Variants in PCDHA9 observed in about 807,000 individuals in gnomAD.
PCDHA9 encodes protocadherin alpha 9, also known as protocadherin alpha-9.
In PCDHA9, 62 loss-of-function variants were observed where a neutral mutation model predicts 62.0. The observed-to-expected ratio is 1.00, with a 90% CI of 0.81 to 1.23. The LOEUF is 1.23. Among genes scored for constraint, PCDHA9 ranks in the 50% most tolerant of loss-of-function variants. The pLI, the probability that PCDHA9 is intolerant of heterozygous loss-of-function variation, is 0.00. For synonymous variants in PCDHA9, 557 were observed against 567.6 expected (o/e 0.98, Z 0.27); for missense variants, 1,205 against 1,249.8 (o/e 0.96, Z 0.54).
chr5:140,871,002 G>C, intron 1 of PCDHA9: 1 of 1,613,384 alleles, frequency 6.2e-7, no homozygotes, highest in Non-Finnish European at 8.5e-7. Context: ...TAAGCACAAC[G>C]CGTGCCCTGG....
Position 140,877,923 on chromosome 5 carries a change from T to C in PCDHA9, c.2394+27034T>C, listed in dbSNP as rs1252401405. ...ATAACTACATTCTCTCATTTTTCTTTATGATTCTATCCTTTAAACTATCGA... is the reference window on the plus strand; with the variant it reads ...ATAACTACATTCTCTCATTTTTCTTCATGATTCTATCCTTTAAACTATCGA... On this transcript the variant is annotated intron_variant, in intron 1 of 3. Coordinates refer to ENST00000532602, the MANE Select transcript of PCDHA9 (RefSeq NM_031857.2). 5 of 1,421,040 alleles carry C rather than the reference T, an allele frequency of 3.5e-6. No individual in the cohort carries two copies. The African/African-American group carries it at 5.8e-5, about 16-fold the overall frequency. The allele number at this position is 1,421,040 out of a possible 1,614,324, so 88.0% of individuals were successfully genotyped here. A position where few individuals can be genotyped will look rare whatever the true frequency, so the allele number is the denominator to read the frequency against.
intron 1 of PCDHA9, chr5:140,968,679 A>T: frequency 6.2e-7 from 1 of 1,614,176 alleles, no homozygotes; most frequent in South Asian, 1.1e-5. Flanking sequence ...GTAGAGCTGC[A>T]CACAGGAGAA....
At chr5:140,899,948 C>A (rs2067639860) in intron 1 of PCDHA9, among the ~76,000 whole-genome samples, 1 of 151,682 alleles carries the variant, frequency 6.6e-6, no homozygotes, top group South Asian at 2.1e-4. Context: ...GCTGGGACCA[C>A]AGGCATGTGC....
intron 1 of PCDHA9, chr5:140,883,872 T>A (rs1554180376): frequency 1.2e-6 from 2 of 1,612,996 alleles, no homozygotes; most frequent in African/African-American, 1.3e-5. Flanking sequence ...CAGTTCCAGG[T>A]GAGCGCGCGC....
chr5:140,876,860 T>C (rs2056650252), intron 1 of PCDHA9: 1 of 1,613,918 alleles, frequency 6.2e-7, no homozygotes, highest in African/African-American at 1.3e-5. Context: ...TACACAGTGT[T>C]CGTGAAGGAG....
chr5:140,851,664 A>G, intron 1 of PCDHA9: 1 of 913,742 alleles, frequency 1.1e-6, no homozygotes, highest in South Asian at 5.0e-5. Flanking sequence ...TTCTCCTTTT[A>G]ATTGAAATTT....
At chr5:140,857,218 T>C (rs2044426953) in intron 1 of PCDHA9, 1 of 1,598,352 alleles carries the variant, frequency 6.3e-7, no homozygotes, top group African/African-American at 1.3e-5. Context: ...CTCTGACGCC[T>C]CACGTTCCGT....
intron 1 of PCDHA9, among the ~76,000 whole-genome samples, chr5:140,956,852 G>T (rs931766503): frequency 3.3e-5 from 5 of 152,060 alleles, no homozygotes; most frequent in African/African-American, 1.2e-4. Context: ...TGGGTTAAAT[G>T]GTTGAATGAA....
At chr5:140,965,861 T>C (rs971753310) in intron 1 of PCDHA9, among the ~76,000 whole-genome samples, 3 of 152,192 alleles carry the variant, frequency 2.0e-5, no homozygotes, top group African/African-American at 7.2e-5. Flanking sequence ...ACACTGAAAA[T>C]AAGGGCCACT....
At chr5:140,870,507 A>C (rs782584168) in intron 1 of PCDHA9, 1 of 1,614,128 alleles carries the variant, frequency 6.2e-7, no homozygotes, top group Non-Finnish European at 8.5e-7. Context: ...AGAACAACCC[A>C]CCAGGCTGCC....
At chr5:140,999,476 A>G (rs1209910607) in intron 3 of PCDHA9, among the ~76,000 whole-genome samples, 6 of 152,124 alleles carry the variant, frequency 3.9e-5, no homozygotes, top group African/African-American at 1.2e-4. Flanking sequence ...GCAGATTCCA[A>G]CTCAAGTCTA....
chr5:140,928,788 G>A, intron 1 of PCDHA9: 1 of 1,614,214 alleles, frequency 6.2e-7, no homozygotes, highest in South Asian at 1.1e-5. Flanking sequence ...CAGTTAAGCA[G>A]AGGGTGGTGG....
rs1290458104 is a variant in PCDHA9 at position 140,849,842 on chromosome 5, C to T, written c.1347C>T (p.Asn449=). 18 of 1,598,416 alleles carry T rather than the reference C, an allele frequency of 1.1e-5. 3 individuals carry two copies. Among genetic ancestry groups the T allele is most frequent in the Admixed American group, 1.7e-5 (1 of 59,304 alleles). The change falls in exon 1 of 4, where the codon AAC becomes AAT. Residue 449 remains asparagine (N), a synonymous_variant. Coordinates refer to ENST00000532602, the MANE Select transcript of PCDHA9 (RefSeq NM_031857.2). ...ARVSVEVADV[N]DNAPAFAQSE... is the part of the protein sequence containing the mutation. The stretch of plus-strand genomic sequence containing the variant: ...TGTCTGTGGAGGTGGCCGACGTGAA[C>T]GACAACGCACCAGCGTTCGCGCAGT...
chr5:140,931,585 A>G (rs1170746678), intron 1 of PCDHA9, among the ~76,000 whole-genome samples: 2 of 152,056 alleles, frequency 1.3e-5, no homozygotes, highest in Non-Finnish European at 2.9e-5. Context: ...ATTCAGTTGA[A>G]CAGTCTTTTT....
intron 1 of PCDHA9, among the ~76,000 whole-genome samples, chr5:140,879,438 A>C (rs2057989809): frequency 6.6e-6 from 1 of 152,214 alleles, no homozygotes; most frequent in South Asian, 2.1e-4. Context: ...ACATTTAAGA[A>C]AATGTTACTT....
In PCDHA9 at chr5:140,858,202, A is replaced by C. The variant is rs782325182; in HGVS notation, c.2394+7313A>C. On this transcript the variant is annotated intron_variant, in intron 1 of 3. Transcript: ENST00000532602. The stretch of plus-strand genomic sequence containing the variant: ...TGCTCACGCTGCTGCTGTACACTGC[A>C]CTGAGGTGCTCGGCGGCGCCCACCG... The C allele has an allele frequency of 1.9e-6, 3 of 1,596,904 alleles. No homozygotes were observed. In the East Asian group the frequency reaches 6.7e-5, roughly 36 times the overall value.
At chr5:140,927,193 C>G in intron 1 of PCDHA9, 1 of 1,614,186 alleles carries the variant, frequency 6.2e-7, no homozygotes, top group South Asian at 1.1e-5. Context: ...CGACCTGGTG[C>G]TCGAGGACCC....
intron 1 of PCDHA9, among the ~76,000 whole-genome samples, chr5:140,923,952 C>T (rs1313695833): frequency 5.9e-5 from 9 of 152,178 alleles, no homozygotes; most frequent in Non-Finnish European, 1.0e-4. Context: ...TTTCCTCACG[C>T]CCTAATCTAT....
chr5:140,986,218 T>A (rs2153838096), intron 3 of PCDHA9, among the ~76,000 whole-genome samples: 1 of 152,304 alleles, frequency 6.6e-6, no homozygotes, highest in Non-Finnish European at 1.5e-5. Flanking sequence ...GGCCCCTTTC[T>A]CTAGCCTCCC....
Sources: gnomAD v4.1 joint callset for allele counts (sites outside exome capture counted in the v4.1 genomes callset) on GRCh38, gnomAD v4.1.1 for gene constraint, MANE v1.5 for transcripts, NCBI Gene and HGNC (gene_info 2026-07-23, HGNC 2026-07-21) for gene names.